PNPLA3: variants seen among roughly 807,000 people sequenced by gnomAD.
PNPLA3 encodes 1-acylglycerol-3-phosphate O-acyltransferase PNPLA3.
PNPLA3 carries 42 observed loss-of-function variants against 43.1 expected under a neutral mutation model. The ratio of observed to expected loss-of-function variants is 0.97; its 90% CI spans 0.76 to 1.26. The LOEUF is 1.26. PNPLA3 is among the 50% of genes most tolerant of loss of function. The pLI is 0.00. For synonymous variants in PNPLA3, 272 were observed against 253.6 expected, an observed-to-expected ratio of 1.07 and a Z score of -0.69; for missense variants, 647 against 621.4, an observed-to-expected ratio of 1.04 and a Z score of -0.44.
chr22:43,934,808 G>C (rs2049984505), intron 5 of PNPLA3, 142 bp downstream of exon 5: 1 of 778,360 alleles, frequency 1.3e-6, no homozygotes, highest in East Asian at 2.7e-5. Context: ...CATGAGCCCA[G>C]GAGATAGGAA....
rs375286131 is a variant in PNPLA3, at chr22:43,934,602, A to G, written c.697-4A>G. 1.5e-5 allele frequency: 25 copies of G among 1,613,072 alleles called. No individual in the cohort carries two copies. Among genetic ancestry groups the G allele is most frequent in the Admixed American group, 6.7e-5 (4 of 59,996 alleles). Reference sequence around the variant, plus strand: ...TGTAGTCCCCTTGCTTGCTTTGCTCACAGGTGCTGGGAGAGATATGCCTTC... The same window carrying G: ...TGTAGTCCCCTTGCTTGCTTTGCTCGCAGGTGCTGGGAGAGATATGCCTTC... On this transcript the variant is annotated splice_polypyrimidine_tract_variant and splice_region_variant and intron_variant, in intron 4 of 8. Transcript: ENST00000216180.
chr22:43,945,025 G>A (rs540446991), intron 8 of PNPLA3, among the ~76,000 whole-genome samples: 2 of 152,298 alleles, frequency 1.3e-5, no homozygotes, highest in Admixed American at 1.3e-4. Flanking sequence ...ACTTCCCGTC[G>A]GATGAGTCTC....
intron 6 of PNPLA3, among the ~76,000 whole-genome samples, chr22:43,939,745 G>T (rs1405293345): frequency 6.6e-6 from 1 of 152,104 alleles, no homozygotes; most frequent in Non-Finnish European, 1.5e-5. Flanking sequence ...GAACCCAGGA[G>T]GCGGAGGTTG....
At chr22:43,943,369 C>A (rs776684027) in intron 7 of PNPLA3, among the ~76,000 whole-genome samples, 7 of 152,088 alleles carry the variant, frequency 4.6e-5, no homozygotes, top group Non-Finnish European at 8.8e-5. Flanking sequence ...TGGCAGAGCT[C>A]CCAGACAGTG....
At chr22:43,924,143 C>T (rs771373559) in intron 1 of PNPLA3, 45 bp downstream of exon 1, 8 of 1,434,372 alleles carry the variant, frequency 5.6e-6, no homozygotes, top group African/African-American at 1.5e-5. Flanking sequence ...GGAGTGGGTG[C>T]CCCCTAGGCC....
At chr22:43,924,265 G>A in intron 1 of PNPLA3, 167 bp downstream of exon 1, 1 of 855,298 alleles carries the variant, frequency 1.2e-6, no homozygotes, top group Non-Finnish European at 1.7e-6. Context: ...TTCCTGCGGG[G>A]GCGCTGTTCC....
Position 43,937,131 on chromosome 22 carries a change from A to C in PNPLA3, c.838A>C (p.Asn280His). 6.2e-7 allele frequency: 1 copy of C among 1,614,178 alleles called. No individual in the cohort carries two copies. The highest frequency in any genetic ancestry group is 8.5e-7 in the Non-Finnish European group (1 of 1,180,040). Residue 280 changes from asparagine (N) to histidine (H), a missense_variant, in exon 6 of 9, where the codon AAC becomes CAC. Physicochemically the swap from Asn to His is moderately conservative, Grantham distance 68 (BLOSUM62 1). Transcript: ENST00000216180. ...TGAGGTCGCCATGCCCAGCTGGGCA[A>C]ACATGAGTCTGGATTCTTCCCCGGA... ...DPEVAMPSWA[N>H]MSLDSSPESA...
At chr22:43,931,186 A>G (rs1195060490) in intron 3 of PNPLA3, among the ~76,000 whole-genome samples, 1 of 152,172 alleles carries the variant, frequency 6.6e-6, no homozygotes, top group African/African-American at 2.4e-5. Context: ...CATCTGATGT[A>G]TAGAGGCCCG....
Position 43,946,744 on chromosome 22 carries a change from T to G in PNPLA3, c.*362T>G. On this transcript the variant is annotated 3_prime_UTR_variant, in exon 9 of 9. Coordinates refer to ENST00000216180, the MANE Select transcript of PNPLA3 (RefSeq NM_025225.3). ...TGGGTGGGGGCCTTGTGATGGGGGG[T>G]AGGCTGGCCCATGTGTGATCTTGTG... 1 of 526,412 alleles carries G rather than the reference T, an allele frequency of 1.9e-6. No homozygotes were observed. The highest frequency in any genetic ancestry group is 3.8e-6 in the Non-Finnish European group (1 of 265,956). 32.6% of individuals were successfully genotyped at this position (526,412 alleles called of 1,614,324 possible).
At chr22:43,925,673 T>C (rs1569008345) in intron 1 of PNPLA3, among the ~76,000 whole-genome samples, 1 of 152,088 alleles carries the variant, frequency 6.6e-6, no homozygotes, top group East Asian at 1.9e-4. Context: ...CTGTCTGCCT[T>C]CCCCTAAGCC....
At chr22:43,941,148 C>CAAAAAAAA (rs577344067) in intron 7 of PNPLA3, among the ~76,000 whole-genome samples, 7 of 79,892 alleles carry the variant, frequency 8.8e-5, no homozygotes, top group Admixed American at 5.0e-4. Flanking sequence ...AACTCCGACT[C>CAAAAAAAA]AAAAAAAAAA....
rs529359635 is a variant in PNPLA3 at position 43,932,640 on chromosome 22, A to G, written c.487-238A>G. Among the ~76,000 whole-genome samples the G allele has an allele frequency of 2.6e-5, 4 of 152,360 alleles. No homozygotes were observed. The East Asian group carries it at 5.8e-4, about 22-fold the overall frequency. The stretch of plus-strand genomic sequence containing the variant: ...GCCTCTTTGCCAGGCACTTTTGTGC[A>G]GTGCACACACTGTACAACAGTAGAC... On this transcript the variant is annotated intron_variant, in intron 3 of 8. Coordinates refer to ENST00000216180, the MANE Select transcript of PNPLA3 (RefSeq NM_025225.3).
intron 6 of PNPLA3, among the ~76,000 whole-genome samples, chr22:43,938,827 C>T (rs974195403): frequency 6.6e-5 from 10 of 152,338 alleles, no homozygotes; most frequent in Admixed American, 3.3e-4. Context: ...GCTCTGGAAT[C>T]CAGCAGAGGG....
In PNPLA3 at chr22:43,946,928, A is replaced by G. The variant is rs1394810242; in HGVS notation, c.*546A>G. On this transcript the variant is annotated 3_prime_UTR_variant, in exon 9 of 9. Transcript: ENST00000216180. ...GGCGGGGGTAACAAGATGATAATCT[A>G]CTTAATTTTAGAACACCTTTTTCAC... 1 of 320,300 alleles carries G rather than the reference A, an allele frequency of 3.1e-6. No individual in the cohort carries two copies. The highest frequency in any genetic ancestry group is 6.1e-6 in the Non-Finnish European group (1 of 163,204). 19.8% of individuals were successfully genotyped at this position (320,300 alleles called of 1,614,324 possible). A position where few individuals can be genotyped will look rare whatever the true frequency, so the allele number is the denominator to read the frequency against.
chr22:43,925,199 C>T (rs13053446), intron 1 of PNPLA3, among the ~76,000 whole-genome samples: 1 of 152,188 alleles, frequency 6.6e-6, no homozygotes. Context: ...CCACCCTCCC[C>T]TCTCCGGCTC....
Position 43,934,485 on chromosome 22 carries a change from C to G in PNPLA3, c.697-121C>G, listed in dbSNP as rs569333424. ...TCAGCCCCCAGGTGGCTCAGTGCCC[C>G]CAGCCAGCAGACTCAGAGCTTGCAT... On this transcript the variant is annotated intron_variant, in intron 4 of 8. Transcript: ENST00000216180. The G allele has an allele frequency of 2.2e-5, 23 of 1,037,108 alleles. No individual in the cohort carries two copies. In the South Asian group the frequency reaches 2.4e-4, roughly 11 times the overall value. 64.2% of individuals were successfully genotyped at this position (1,037,108 alleles called of 1,614,324 possible).
chr22:43,931,000 G>C (rs1185490089), intron 3 of PNPLA3, among the ~76,000 whole-genome samples: 2 of 152,252 alleles, frequency 1.3e-5, no homozygotes, highest in South Asian at 4.2e-4. Context: ...GGTGGCGGGC[G>C]CCTGTAGTCC....
At chr22:43,929,424 C>T (rs1180279663) in intron 3 of PNPLA3, among the ~76,000 whole-genome samples, 1 of 147,482 alleles carries the variant, frequency 6.8e-6, no homozygotes, top group Admixed American at 6.8e-5. Flanking sequence ...TGCAGTGAGC[C>T]AAGATCGCAC....
intron 1 of PNPLA3, chr22:43,924,334 C>T (rs2049907375): frequency 1.9e-6 from 1 of 516,494 alleles, no homozygotes; most frequent in East Asian, 3.6e-5. Flanking sequence ...CTGGGACTCT[C>T]GTGCGTCCCC....
Sources: allele counts gnomAD v4.1 joint callset (sites outside exome capture counted in the v4.1 genomes callset), GRCh38; gene constraint gnomAD v4.1.1; transcripts MANE v1.5; gene names NCBI Gene and HGNC (gene_info 2026-07-23, HGNC 2026-07-21).